TSPAN14: variants seen among roughly 807,000 people sequenced by gnomAD.
TSPAN14 encodes the protein tetraspanin-14.
TSPAN14 carries 16 observed loss-of-function variants against 36.6 expected under a neutral mutation model. That is an observed-to-expected ratio of 0.44 (90% confidence interval 0.30 to 0.66). The LOEUF is 0.66. TSPAN14 is among the 30% of genes least tolerant of loss of function. The probability of loss-of-function intolerance (pLI) is 0.12; values close to 1 mark genes in which losing one functional copy is unlikely to be tolerated. For synonymous variants in TSPAN14, 139 were observed against 143.8 expected, an observed-to-expected ratio of 0.97 and a Z score of 0.24; for missense variants, 231 against 355.1, an observed-to-expected ratio of 0.65 and a Z score of 2.81.
chr10:80,516,144 G>A lies in TSPAN14; in HGVS notation c.622-60G>A, dbSNP rs113845388. 104 of 1,610,880 alleles carry A rather than the reference G, an allele frequency of 6.5e-5. 1 individual carries two copies. In the African/African-American group the frequency reaches 1.2e-3, roughly 19 times the overall value. ...CTGCTCCTTACCAGAGCTCACTAGG[G>A]GATCAGGTGGGGACATCGTGTGTGC... On this transcript the variant is annotated intron_variant, in intron 7 of 8. Coordinates refer to ENST00000429989, the Ensembl canonical transcript of TSPAN14.
At chr10:80,517,884 C>G (rs891511181) in intron 8 of TSPAN14, 21 bp from the exon 9 acceptor site, 1 of 1,556,588 alleles carries the variant, frequency 6.4e-7, no homozygotes, top group Non-Finnish European at 8.7e-7. Context: ...TGGCCGCTGA[C>G]TCTGCTGGTG....
chr10:80,455,625 A>G (rs913231964), intron 1 of TSPAN14, among the ~76,000 whole-genome samples: 6 of 152,116 alleles, frequency 3.9e-5, no homozygotes, highest in Non-Finnish European at 8.8e-5. Context: ...GGGACAGGCC[A>G]TCGGAGCACC....
At chr10:80,501,986 C>T (rs1331746016) in intron 2 of TSPAN14, among the ~76,000 whole-genome samples, 1 of 152,144 alleles carries the variant, frequency 6.6e-6, no homozygotes, top group African/African-American at 2.4e-5. Flanking sequence ...GAGAGACAGC[C>T]CCTGTGGTCT....
intron 1 of TSPAN14, among the ~76,000 whole-genome samples, chr10:80,478,467 A>G (rs1212483001): frequency 6.6e-6 from 1 of 152,198 alleles, no homozygotes. Context: ...ATTGCCTGAA[A>G]TAGGTTATTA....
chr10:80,513,323 T>C (rs10748526), intron 6 of TSPAN14, among the ~76,000 whole-genome samples: 118,049 of 151,744 alleles, frequency 0.78, 46,054 homozygotes, highest in South Asian at 0.86. Context: ...TGAGTAGAAC[T>C]GGGCCAGTTG....
At position 80,509,172 on chromosome 10, in the gene TSPAN14, G is replaced by A. The variant is rs553493551; in HGVS notation, c.280-129G>A. On this transcript the variant is annotated intron_variant, in intron 4 of 8. Transcript: ENST00000429989. This position sits in a 1 kb window ranked among gnomAD's most constrained non-coding sequence, Gnocchi z 4.7. ...TCTAAGTGTGGGGTTCTGGGGCCCC[G>A]ATGTGGGACTCTCAGGTGCAGAGCC... is the stretch of plus-strand genomic sequence containing the variant. The A allele has an allele frequency of 6.0e-6, 6 of 993,448 alleles. No homozygotes were observed. Among genetic ancestry groups the A allele is most frequent in the East Asian group, 5.0e-5 (2 of 40,056 alleles). The allele number at this position is 993,448 out of a possible 1,614,324, so 61.5% of individuals were successfully genotyped here.
intron 3 of TSPAN14, 110 bp downstream of exon 3, chr10:80,504,888 A>G: frequency 8.5e-7 from 1 of 1,170,668 alleles, no homozygotes; most frequent in Non-Finnish European, 1.3e-6. Flanking sequence ...TTTCTTGTGC[A>G]GTGTCAAGGT....
At position 80,486,772 on chromosome 10, in the gene TSPAN14, A is replaced by G. The variant is rs141210223; in HGVS notation, c.-17-2445A>G. Among the ~76,000 whole-genome samples, 868 of 152,312 alleles carry G rather than the reference A, an allele frequency of 5.7e-3. 11 individuals are homozygous for G. Among genetic ancestry groups the G allele is most frequent in the African/African-American group, 0.02 (828 of 41,542 alleles). On this transcript the variant is annotated intron_variant, in intron 1 of 8. Coordinates refer to ENST00000429989, the Ensembl canonical transcript of TSPAN14. ...CGCTTAGAACATTTTTCTGCCTCAT[A>G]AGGCATTTCCAGCTGAATTGACAGT... is the stretch of plus-strand genomic sequence containing the variant.
intron 2 of TSPAN14, among the ~76,000 whole-genome samples, chr10:80,500,444 C>T (rs1052637631): frequency 1.3e-5 from 2 of 150,374 alleles, no homozygotes; most frequent in Non-Finnish European, 3.0e-5. Flanking sequence ...ATTCTCTTGC[C>T]TCAGCCTCCT....
At chr10:80,510,894 AAATT>A (rs1840584830) in intron 5 of TSPAN14, among the ~76,000 whole-genome samples, 1 of 152,180 alleles carries the variant, frequency 6.6e-6, no homozygotes, top group South Asian at 2.1e-4. Flanking sequence ...TAAAATAAAT[AAATT>A]AAAACAAAAC....
chr10:80,464,357 A>G (rs1420072527), intron 1 of TSPAN14, among the ~76,000 whole-genome samples: 1 of 152,158 alleles, frequency 6.6e-6, no homozygotes, highest in East Asian at 1.9e-4. Context: ...TTGTGTTTTG[A>G]GCGGGAGCTT....
At chr10:80,501,852 G>C (rs900904492) in intron 2 of TSPAN14, among the ~76,000 whole-genome samples, 8 of 152,186 alleles carry the variant, frequency 5.3e-5, no homozygotes, top group Non-Finnish European at 1.0e-4. Context: ...TTGAATCCTG[G>C]GGAGTCACTC....
chr10:80,494,071 C>G (rs575155614), intron 2 of TSPAN14, among the ~76,000 whole-genome samples: 1 of 152,294 alleles, frequency 6.6e-6, no homozygotes, highest in African/African-American at 2.4e-5. Flanking sequence ...GAACTGAGAC[C>G]CTTTCTAAAT....
chr10:80,520,338 A>G (rs1841194300), exon 9 of TSPAN14: 2 of 350,542 alleles, frequency 5.7e-6, no homozygotes, highest in Admixed American at 8.4e-5. Context: ...GTGACTCTGA[A>G]TAGTTGGATG....
At chr10:80,472,231 T>C (rs1846594242) in intron 1 of TSPAN14, among the ~76,000 whole-genome samples, 1 of 152,234 alleles carries the variant, frequency 6.6e-6, no homozygotes, top group African/African-American at 2.4e-5. Context: ...ACAAACTCTA[T>C]GTTTCAGTTA....
rs372403950 is a variant in TSPAN14, at chr10:80,494,086, T to C, written c.81+4772T>C. Among the ~76,000 whole-genome samples the C allele has an allele frequency of 3.5e-4, 53 of 152,342 alleles. 1 individual carries two copies. In the South Asian group the frequency reaches 0.011, roughly 30 times the overall value. On this transcript the variant is annotated intron_variant, in intron 2 of 8. Transcript: ENST00000429989. ...GAACTGAGACCCTTTCTAAATAGAC[T>C]GTAGGCCTGTGTTACACAGGAAAGT...
chr10:80,518,123 T>A, exon 9 of TSPAN14: 1 of 842,504 alleles, frequency 1.2e-6, no homozygotes, highest in Non-Finnish European at 1.9e-6. Context: ...CCTCTCTGTT[T>A]CTGCTTGCTG....
At chr10:80,495,433 G>A (rs980367365) in intron 2 of TSPAN14, among the ~76,000 whole-genome samples, 1 of 151,420 alleles carries the variant, frequency 6.6e-6, no homozygotes, top group African/African-American at 2.4e-5. Context: ...GGCAGGGATT[G>A]CTTAATCAGA....
intron 1 of TSPAN14, among the ~76,000 whole-genome samples, chr10:80,467,964 C>T (rs1351500558): frequency 6.6e-6 from 1 of 152,186 alleles, no homozygotes; most frequent in Non-Finnish European, 1.5e-5. Context: ...CAAAGTGAGG[C>T]CAAGCTCTTA....
Sources: allele counts gnomAD v4.1 joint callset (sites outside exome capture counted in the v4.1 genomes callset), GRCh38; gene constraint gnomAD v4.1.1; non-coding constraint Gnocchi (gnomAD v3.1); transcripts MANE v1.5; gene names NCBI Gene and HGNC (gene_info 2026-07-23, HGNC 2026-07-21).